RFX2: variants seen among roughly 807,000 people sequenced by gnomAD.
The protein encoded by RFX2 is DNA-binding protein RFX2.
A neutral mutation model predicts 87.8 loss-of-function variants in RFX2; 20 were observed. The ratio of observed to expected loss-of-function variants is 0.23; its 90% CI spans 0.16 to 0.33. The LOEUF (loss-of-function observed/expected upper bound fraction) is 0.33. Among genes scored for constraint, RFX2 ranks in the 10% least tolerant of loss-of-function variants. The probability of loss-of-function intolerance (pLI) is 1.00; values close to 1 mark genes in which losing one functional copy is unlikely to be tolerated. For missense variants in RFX2, 767 were observed against 1,012.3 expected, an observed-to-expected ratio of 0.76 and a Z score of 3.29; for synonymous variants, 397 against 431.3, an observed-to-expected ratio of 0.92 and a Z score of 0.98.
At chr19:6,097,827 C>T (rs1312475730) in intron 1 of RFX2, among the ~76,000 whole-genome samples, 1 of 152,160 alleles carries the variant, frequency 6.6e-6, no homozygotes, top group Non-Finnish European at 1.5e-5. Flanking sequence ...AAGCTATCCT[C>T]CTACCTCAGC....
rs185521955 is a variant in RFX2, at chr19:6,025,737, C to T, written c.597+426G>A. ...GATTCTAGATTGGCTTCCCCTCAAC[C>T]ACCTTTCACAAATGACACTTTAAAG... On this transcript the variant is annotated intron_variant, in intron 6 of 17. Transcript: ENST00000303657. Among the ~76,000 whole-genome samples the T allele has an allele frequency of 2.4e-3, 366 of 151,392 alleles. 1 individual carries two copies. The highest frequency in any genetic ancestry group is 3.3e-3 in the South Asian group (16 of 4,790).
At chr19:6,014,535 G>A (rs569852749) in intron 7 of RFX2, among the ~76,000 whole-genome samples, 6 of 152,240 alleles carry the variant, frequency 3.9e-5, no homozygotes, top group Admixed American at 1.3e-4. Context: ...AACCATGCCC[G>A]GCCCTTCTTT....
chr19:6,054,170 T>A (rs550027986), intron 1 of RFX2, among the ~76,000 whole-genome samples: 13 of 152,120 alleles, frequency 8.5e-5, no homozygotes, highest in South Asian at 6.2e-4. Flanking sequence ...AACACTTTTT[T>A]AAAAACACAA....
intron 1 of RFX2, among the ~76,000 whole-genome samples, chr19:6,099,566 C>T (rs1461839999): frequency 6.6e-6 from 1 of 151,692 alleles, no homozygotes. Flanking sequence ...TAGGCCTTGC[C>T]GTCCTGAAGA....
chr19:6,042,725 T>TG (rs1407184405), intron 3 of RFX2, among the ~76,000 whole-genome samples: 2 of 152,212 alleles, frequency 1.3e-5, no homozygotes. Flanking sequence ...GATGGGGCAA[T>TG]GGGGGGACCC....
In RFX2 at chr19:6,010,034, C is replaced by T. The variant is rs920490757; in HGVS notation, c.1015+102G>A. On this transcript the variant is annotated intron_variant, in intron 9 of 17. Coordinates refer to ENST00000303657, the MANE Select transcript of RFX2 (RefSeq NM_000635.4). The surrounding 1 kb of genome is among the most constrained non-coding windows in gnomAD (Gnocchi z 5.0). ...AAAAGGTGTCTCGTAAGAAAACTGT[C>T]GGAAGCAGACGCTTAGACACCACTG... 3.9e-5 allele frequency: 24 copies of T among 612,036 alleles called. No individual in the cohort carries two copies. The highest frequency in any genetic ancestry group is 7.0e-4 in the Middle Eastern group (2 of 2,860). The allele number at this position is 612,036 out of a possible 1,614,324, so 37.9% of individuals were successfully genotyped here. A position where few individuals can be genotyped will look rare whatever the true frequency, so the allele number is the denominator to read the frequency against.
Position 6,074,666 on chromosome 19 carries a change from G to A in RFX2, c.-8-27162C>T, listed in dbSNP as rs1210250281. ...AGCAGGAGGTGACAAATGCTCTGAAGAAAAATACACTCAAATGCACAAGTG... is the reference window on the plus strand; with the variant it reads ...AGCAGGAGGTGACAAATGCTCTGAAAAAAAATACACTCAAATGCACAAGTG... On this transcript the variant is annotated intron_variant, in intron 1 of 17. Coordinates refer to ENST00000303657, the MANE Select transcript of RFX2 (RefSeq NM_000635.4). The surrounding 1 kb of genome is among the most constrained non-coding windows in gnomAD (Gnocchi z 5.2). 6.6e-6 allele frequency among the ~76,000 whole-genome samples: 1 copy of A among 152,222 alleles called. No homozygotes were observed. Among genetic ancestry groups the A allele is most frequent in the Non-Finnish European group, 1.5e-5 (1 of 68,042 alleles).
intron 4 of RFX2, 111 bp downstream of exon 4, chr19:6,041,933 A>G: frequency 2.4e-6 from 2 of 839,450 alleles, no homozygotes; most frequent in Non-Finnish European, 4.1e-6. Context: ...GTATTTAGTG[A>G]ACACATCGCC....
chr19:6,064,033 C>T lies in RFX2; in HGVS notation c.-8-16529G>A, dbSNP rs1489638045. Among the ~76,000 whole-genome samples, 1 of 152,228 alleles carries T rather than the reference C, an allele frequency of 6.6e-6. No homozygotes were observed. The highest frequency in any genetic ancestry group is 2.4e-5 in the African/African-American group (1 of 41,456). ...ACATCTGGCTTCTTGGCCAGCCAGCCCTTCTTGAGAAAACAAAGTCTGGAT... is the reference window on the plus strand; with the variant it reads ...ACATCTGGCTTCTTGGCCAGCCAGCTCTTCTTGAGAAAACAAAGTCTGGAT... On this transcript the variant is annotated intron_variant, in intron 1 of 17. Coordinates refer to ENST00000303657, the MANE Select transcript of RFX2 (RefSeq NM_000635.4). This position sits in a 1 kb window ranked among gnomAD's most constrained non-coding sequence, Gnocchi z 4.8.
At chr19:6,033,162 C>T (rs561862881) in intron 5 of RFX2, among the ~76,000 whole-genome samples, 2 of 152,312 alleles carry the variant, frequency 1.3e-5, no homozygotes, top group African/African-American at 2.4e-5. Context: ...CTTACAGAGC[C>T]ACTGCGCACT....
At position 6,089,829 on chromosome 19, in the gene RFX2, T is replaced by C. The variant is rs796814368; in HGVS notation, c.-9+20564A>G. 8.5e-5 allele frequency among the ~76,000 whole-genome samples: 13 copies of C among 152,170 alleles called. No individual in the cohort carries two copies. The South Asian group carries it at 1.0e-3, about 12-fold the overall frequency. ...TCCCTCCACCACCCTGTGTAGCTCT[T>C]ACATGTGCTGGGGACCTTCATGATT... On this transcript the variant is annotated intron_variant, in intron 1 of 17. Transcript: ENST00000303657.
At chr19:6,062,589 C>T (rs975179122) in intron 1 of RFX2, among the ~76,000 whole-genome samples, 1 of 152,224 alleles carries the variant, frequency 6.6e-6, no homozygotes, top group African/African-American at 2.4e-5. Context: ...GCTTCCCCAA[C>T]CCCATGCCAA....
intron 1 of RFX2, among the ~76,000 whole-genome samples, chr19:6,077,609 G>A (rs1318780317): frequency 6.6e-6 from 1 of 152,218 alleles, no homozygotes; most frequent in Non-Finnish European, 1.5e-5. Context: ...ACAAATGCTT[G>A]GATACCAATG....
At position 6,040,239 on chromosome 19, in the gene RFX2, C is replaced by G. The variant is rs779642985; in HGVS notation, c.263G>C (p.Arg88Pro). ...CTCGGGGTTGTAGGTGTAGGCTGTT[C>G]GTCTGTTAGAAAGAGAGAAGTCACG... ...GDAVYTNGAI[R>P]TAYTYNPEPQ... The change falls in exon 5 of 18, where the codon CGA (arginine) becomes CCA (proline). Residue 88 changes from arginine to proline, a missense_variant and splice_region_variant. By Grantham distance (103) the Arg-to-Pro change is moderately radical. Coordinates refer to ENST00000303657, the MANE Select transcript of RFX2 (RefSeq NM_000635.4). This position sits in a 1 kb window ranked among gnomAD's most constrained non-coding sequence, Gnocchi z 6.1. 6.5e-7 allele frequency: 1 copy of G among 1,544,454 alleles called. No individual in the cohort carries two copies. The highest frequency in any genetic ancestry group is 8.8e-7 in the Non-Finnish European group (1 of 1,139,034).
At chr19:6,077,459 C>A (rs994918268) in intron 1 of RFX2, among the ~76,000 whole-genome samples, 4 of 152,200 alleles carry the variant, frequency 2.6e-5, no homozygotes, top group African/African-American at 9.7e-5. Context: ...CAGGAAATGG[C>A]CTCCAAGCAT....
intron 1 of RFX2, among the ~76,000 whole-genome samples, chr19:6,062,092 T>G (rs1192092845): frequency 6.6e-6 from 1 of 151,838 alleles, no homozygotes; most frequent in Non-Finnish European, 1.5e-5. Flanking sequence ...GGTCAGGAAT[T>G]TGAGGTTGAA....
At chr19:6,080,908 C>T (rs565555841) in intron 1 of RFX2, among the ~76,000 whole-genome samples, 8 of 151,768 alleles carry the variant, frequency 5.3e-5, no homozygotes, top group South Asian at 2.1e-4. Flanking sequence ...TGGTGATGCA[C>T]GCCTGTAGTC....
At chr19:6,088,076 G>C (rs557318) in intron 1 of RFX2, among the ~76,000 whole-genome samples, 36,647 of 152,078 alleles carry the variant, frequency 0.24, 8,637 homozygotes, top group African/African-American at 0.62. Flanking sequence ...AGTCAGAGAC[G>C]AGAACAAAGA....
intron 5 of RFX2, among the ~76,000 whole-genome samples, chr19:6,037,090 CT>C (rs958065672): frequency 2.0e-4 from 31 of 152,086 alleles, no homozygotes; most frequent in African/African-American, 7.2e-4. Context: ...GGAGACCATC[CT>C]GGTTAACATG....
Sources: gnomAD v4.1 joint callset for allele counts (sites outside exome capture counted in the v4.1 genomes callset) on GRCh38, gnomAD v4.1.1 for gene constraint, Gnocchi (gnomAD v3.1) non-coding constraint, MANE v1.5 for transcripts, NCBI Gene and HGNC (gene_info 2026-07-23, HGNC 2026-07-21) for gene names.